RPH3A: variants seen among roughly 807,000 people sequenced by gnomAD.
RPH3A encodes the protein rabphilin-3A.
In RPH3A, 48 loss-of-function variants were observed where a neutral mutation model predicts 102.2. The ratio of observed to expected loss-of-function variants is 0.47; its 90% CI spans 0.37 to 0.60. RPH3A has a LOEUF of 0.60. Among genes scored for constraint, RPH3A ranks in the 20% least tolerant of loss-of-function variants. The probability of loss-of-function intolerance (pLI) is 0.00; values close to 1 mark genes in which losing one functional copy is unlikely to be tolerated. For missense variants in RPH3A, 781 were observed against 910.1 expected (o/e 0.86, Z 1.83); for synonymous variants, 310 against 324.3 (o/e 0.96, Z 0.47).
At chr12:112,696,178 A>G (rs1399814308) in intron 1 of RPH3A, among the ~76,000 whole-genome samples, 2 of 152,124 alleles carry the variant, frequency 1.3e-5, no homozygotes, top group Non-Finnish European at 2.9e-5. Flanking sequence ...GTTCCTTTTT[A>G]TGGCTGAGTA....
intron 1 of RPH3A, among the ~76,000 whole-genome samples, chr12:112,755,312 C>T (rs939648969): frequency 3.3e-4 from 50 of 149,448 alleles, no homozygotes; most frequent in African/African-American, 9.1e-4. Context: ...CACACACACA[C>T]ACACACACAC....
Position 112,687,121 on chromosome 12 carries a change from T to A in RPH3A, c.-139-105022T>A, listed in dbSNP as rs555921229. 3.9e-5 allele frequency among the ~76,000 whole-genome samples: 6 copies of A among 152,230 alleles called. No individual in the cohort carries two copies. The South Asian group carries it at 6.2e-4, about 16-fold the overall frequency. ...TGACAGAGTGAGACCCCATTTTTTTTAAGCATTTGGCTGCAAGTAAGAGAA... is the reference window on the plus strand; with the variant it reads ...TGACAGAGTGAGACCCCATTTTTTTAAAGCATTTGGCTGCAAGTAAGAGAA... On this transcript the variant is annotated intron_variant, in intron 1 of 21. Transcript: ENST00000543106.
intron 1 of RPH3A, among the ~76,000 whole-genome samples, chr12:112,640,698 C>A (rs1457885902): frequency 6.6e-6 from 1 of 152,078 alleles, no homozygotes; most frequent in African/African-American, 2.4e-5. Context: ...ATTGTGGCCA[C>A]GGAATTTAAT....
At chr12:112,798,707 C>T (rs527851020) in intron 2 of RPH3A, among the ~76,000 whole-genome samples, 37 of 152,184 alleles carry the variant, frequency 2.4e-4, no homozygotes, top group African/African-American at 8.9e-4. Context: ...CACTGTGGTG[C>T]TAAGCCCCTA....
At position 112,645,115 on chromosome 12, in the gene RPH3A, C is replaced by T. The variant is rs114260103; in HGVS notation, c.-140+69796C>T. 5.2e-4 allele frequency among the ~76,000 whole-genome samples: 79 copies of T among 152,104 alleles called. 1 individual carries two copies. Among genetic ancestry groups the T allele is most frequent in the African/African-American group, 1.7e-3 (71 of 41,460 alleles). On this transcript the variant is annotated intron_variant, in intron 1 of 21. Transcript: ENST00000543106. Reference sequence around the variant, plus strand: ...GACTGATAGTCAAACAGAGAGATACCGTGAGAGTTGTTCAAAAAAATGAAG... The same window carrying T: ...GACTGATAGTCAAACAGAGAGATACTGTGAGAGTTGTTCAAAAAAATGAAG...
intron 1 of RPH3A, among the ~76,000 whole-genome samples, chr12:112,723,252 C>G (rs1479634846): frequency 6.6e-6 from 1 of 152,090 alleles, no homozygotes; most frequent in Non-Finnish European, 1.5e-5. Context: ...TGACTGGAAG[C>G]CTTACCGATA....
chr12:112,780,090 T>C (rs2040996996), intron 1 of RPH3A, among the ~76,000 whole-genome samples: 1 of 152,180 alleles, frequency 6.6e-6, no homozygotes, highest in Non-Finnish European at 1.5e-5. Context: ...TGGCAAAATT[T>C]TCCTTCAGTA....
intron 5 of RPH3A, among the ~76,000 whole-genome samples, chr12:112,856,299 G>C (rs576100815): frequency 6.6e-6 from 1 of 152,218 alleles, no homozygotes; most frequent in Admixed American, 6.5e-5. Flanking sequence ...ATGTTTCTGA[G>C]GTCAGTTTGG....
chr12:112,877,637 A>G (rs1206090966), intron 13 of RPH3A, among the ~76,000 whole-genome samples: 2 of 152,182 alleles, frequency 1.3e-5, no homozygotes, highest in African/African-American at 4.8e-5. Flanking sequence ...AAGGGCTGTG[A>G]CCAGCAACAC....
chr12:112,809,446 T>C (rs866912984), intron 2 of RPH3A, among the ~76,000 whole-genome samples: 1 of 152,014 alleles, frequency 6.6e-6, no homozygotes, highest in Non-Finnish European at 1.5e-5. Context: ...GAGGTTGACA[T>C]GAAGCACTAA....
intron 1 of RPH3A, among the ~76,000 whole-genome samples, chr12:112,731,530 A>G (rs1310108794): frequency 6.6e-6 from 1 of 152,206 alleles, no homozygotes; most frequent in Non-Finnish European, 1.5e-5. Flanking sequence ...CCTTTGGGAG[A>G]CTTTGTAACA....
intron 1 of RPH3A, among the ~76,000 whole-genome samples, chr12:112,740,812 A>C (rs533659157): frequency 1.3e-5 from 2 of 152,324 alleles, no homozygotes; most frequent in East Asian, 3.9e-4. Context: ...ATTAGTGCTA[A>C]GGTTCAAAGT....
intron 1 of RPH3A, among the ~76,000 whole-genome samples, chr12:112,707,044 AG>A (rs2040431452): frequency 6.6e-6 from 1 of 152,176 alleles, no homozygotes. Flanking sequence ...TGGAGTGGGC[AG>A]GGGTTTTTAA....
chr12:112,814,852 T>C (rs1272202381), intron 2 of RPH3A, among the ~76,000 whole-genome samples: 8 of 152,154 alleles, frequency 5.3e-5, no homozygotes, highest in African/African-American at 1.9e-4. Flanking sequence ...ACCTGTGAAA[T>C]GCTGACACTC....
intron 1 of RPH3A, among the ~76,000 whole-genome samples, chr12:112,774,498 C>G (rs1449611923): frequency 6.6e-6 from 1 of 152,214 alleles, no homozygotes; most frequent in African/African-American, 2.4e-5. Flanking sequence ...GTGACTCTCT[C>G]AAGACACCAA....
chr12:112,601,414 T>C (rs2039558242), intron 1 of RPH3A, among the ~76,000 whole-genome samples: 1 of 152,188 alleles, frequency 6.6e-6, no homozygotes, highest in South Asian at 2.1e-4. Flanking sequence ...AATGGGGATG[T>C]AAATTTGCCC....
intron 10 of RPH3A, among the ~76,000 whole-genome samples, chr12:112,874,482 A>G (rs527956407): frequency 1.3e-5 from 2 of 152,330 alleles, no homozygotes; most frequent in East Asian, 3.9e-4. Flanking sequence ...TAAGCACTAA[A>G]TAAGTATGAA....
intron 1 of RPH3A, among the ~76,000 whole-genome samples, chr12:112,676,154 C>T (rs1284640114): frequency 1.3e-5 from 2 of 152,004 alleles, no homozygotes; most frequent in Non-Finnish European, 2.9e-5. Context: ...GTGGGCCTCC[C>T]GTTGGCAGAA....
intron 1 of RPH3A, among the ~76,000 whole-genome samples, chr12:112,588,634 T>C (rs537336715): frequency 2.8e-4 from 43 of 152,252 alleles, no homozygotes; most frequent in African/African-American, 9.6e-4. Flanking sequence ...AATGCCTGGG[T>C]GCATTATTTA....
Sources: allele counts gnomAD v4.1 joint callset (sites outside exome capture counted in the v4.1 genomes callset), GRCh38; gene constraint gnomAD v4.1.1; transcripts MANE v1.5; gene names NCBI Gene and HGNC (gene_info 2026-07-23, HGNC 2026-07-21).